The following SYT1 variants were observed in gnomAD, a reference collection of about 807,000 sequenced individuals.
The protein encoded by SYT1 is synaptotagmin 1.
SYT1 carries 8 observed loss-of-function variants against 44.8 expected under a neutral mutation model. The ratio of observed to expected loss-of-function variants is 0.18; its 90% CI spans 0.10 to 0.32. The LOEUF (loss-of-function observed/expected upper bound fraction) is 0.32, where lower values mean the gene tolerates loss of function less well. Among genes scored for constraint, SYT1 ranks in the 10% least tolerant of loss-of-function variants. The pLI, the probability that SYT1 is intolerant of heterozygous loss-of-function variation, is 1.00. For missense variants in SYT1, 286 were observed against 509.3 expected, an observed-to-expected ratio of 0.56 and a Z score of 4.22; for synonymous variants, 154 against 188.8, an observed-to-expected ratio of 0.82 and a Z score of 1.51.
intron 10 of SYT1, among the ~76,000 whole-genome samples, chr12:79,445,324 T>G (rs990188532): frequency 2.0e-5 from 3 of 152,062 alleles, no homozygotes; most frequent in African/African-American, 4.8e-5. Context: ...ACAGTCAATA[T>G]CCTACTTGTA....
intron 1 of SYT1, among the ~76,000 whole-genome samples, chr12:78,873,855 G>A (rs1410640328): frequency 6.6e-6 from 1 of 151,508 alleles, no homozygotes; most frequent in Admixed American, 6.6e-5. Flanking sequence ...CTATCAGTTG[G>A]CAATTCTTTG....
chr12:79,389,583 A>G (rs1435247421), intron 9 of SYT1, among the ~76,000 whole-genome samples: 1 of 152,220 alleles, frequency 6.6e-6, no homozygotes, highest in African/African-American at 2.4e-5. Flanking sequence ...TTAATTGTCC[A>G]TAATTGTAAG....
chr12:79,252,462 T>C (rs1877276700), intron 4 of SYT1, among the ~76,000 whole-genome samples: 1 of 152,144 alleles, frequency 6.6e-6, no homozygotes, highest in South Asian at 2.1e-4. Flanking sequence ...CTTGGCAGAA[T>C]TGCACTTTTT....
chr12:79,079,702 T>A (rs1439232793), intron 3 of SYT1, among the ~76,000 whole-genome samples: 2 of 152,204 alleles, frequency 1.3e-5, no homozygotes, highest in East Asian at 3.9e-4. Flanking sequence ...TATGAACATA[T>A]AAATAAATAA....
chr12:79,176,792 G>A (rs541764462), intron 3 of SYT1, among the ~76,000 whole-genome samples: 44 of 151,880 alleles, frequency 2.9e-4, no homozygotes, highest in Non-Finnish European at 5.9e-4. Context: ...AAAATAAGTT[G>A]AAGACACTTC....
At chr12:79,337,179 T>C (rs1489267192) in intron 8 of SYT1, among the ~76,000 whole-genome samples, 3 of 152,166 alleles carry the variant, frequency 2.0e-5, no homozygotes, top group Non-Finnish European at 4.4e-5. Context: ...AAGAAGATAT[T>C]ATTTATCCAT....
chr12:79,004,317 T>G (rs1870938279), intron 2 of SYT1, among the ~76,000 whole-genome samples: 1 of 151,938 alleles, frequency 6.6e-6, no homozygotes, highest in Admixed American at 6.6e-5. Context: ...ATGTAACTAA[T>G]TCATCTAATT....
At chr12:79,057,189 C>G (rs966798003) in intron 3 of SYT1, among the ~76,000 whole-genome samples, 1 of 151,986 alleles carries the variant, frequency 6.6e-6, no homozygotes, top group African/African-American at 2.4e-5. Flanking sequence ...GATGAAAAAT[C>G]TGGTTCAGCA....
At chr12:79,144,592 C>T (rs906411186) in intron 3 of SYT1, among the ~76,000 whole-genome samples, 3 of 152,184 alleles carry the variant, frequency 2.0e-5, no homozygotes, top group Non-Finnish European at 2.9e-5. Flanking sequence ...GTAGATGGCT[C>T]TTGCAACAAG....
In SYT1 at chr12:79,448,980, C is replaced by T. The variant is rs149378401; in HGVS notation, c.1125C>T (p.Gly375=). Residue 375 remains glycine (G), a synonymous_variant, in exon 11 of 11, where the codon GGC becomes GGT. Coordinates refer to ENST00000261205, the MANE Select transcript of SYT1 (RefSeq NM_005639.3). ...AGATTGGCAAGAACGATGCCATCGG[C>T]AAAGTCTTTGTGGGCTACAACAGCA... is the stretch of plus-strand genomic sequence containing the variant. ...YDKIGKNDAI[G]KVFVGYNSTG... 1.2e-5 allele frequency: 19 copies of T among 1,614,206 alleles called. No homozygotes were observed. The African/African-American group carries it at 1.7e-4, about 15-fold the overall frequency.
chr12:79,253,206 T>C (rs1353825993), intron 4 of SYT1, among the ~76,000 whole-genome samples: 4 of 152,150 alleles, frequency 2.6e-5, no homozygotes, highest in African/African-American at 7.2e-5. Flanking sequence ...ATACCGCAGA[T>C]TTTTTTACAA....
chr12:79,448,601 C>CCAAA (rs1380184784), intron 10 of SYT1, among the ~76,000 whole-genome samples: 3 of 152,282 alleles, frequency 2.0e-5, no homozygotes, highest in Admixed American at 1.3e-4. Context: ...GCTCTGAAAA[C>CCAAA]CAAACAACTC....
intron 9 of SYT1, among the ~76,000 whole-genome samples, chr12:79,382,921 C>G (rs1446410059): frequency 1.3e-5 from 2 of 152,182 alleles, no homozygotes; most frequent in Admixed American, 6.5e-5. Context: ...CCCAAGTAGT[C>G]TGTGTCGTGT....
intron 3 of SYT1, among the ~76,000 whole-genome samples, chr12:79,067,045 G>A (rs1180167203): frequency 6.6e-6 from 1 of 152,080 alleles, no homozygotes; most frequent in Non-Finnish European, 1.5e-5. Flanking sequence ...AGTGTGCTTT[G>A]GGATCATAGA....
chr12:78,930,086 T>C (rs1380269732), intron 1 of SYT1, among the ~76,000 whole-genome samples: 1 of 152,166 alleles, frequency 6.6e-6, no homozygotes, highest in East Asian at 1.9e-4. Flanking sequence ...GAATAAGTTT[T>C]AGTAATCTAT....
At chr12:79,075,111 G>A (rs932038554) in intron 3 of SYT1, among the ~76,000 whole-genome samples, 7 of 152,104 alleles carry the variant, frequency 4.6e-5, no homozygotes, top group South Asian at 4.1e-4. Flanking sequence ...GCAGAAATGC[G>A]AACCTTAACT....
chr12:79,134,390 A>G (rs2138190098), intron 3 of SYT1, among the ~76,000 whole-genome samples: 1 of 152,286 alleles, frequency 6.6e-6, no homozygotes, highest in African/African-American at 2.4e-5. Context: ...CATTTTTCTG[A>G]ATGCTTGAAG....
At chr12:79,240,492 G>A (rs576403297) in intron 4 of SYT1, among the ~76,000 whole-genome samples, 1 of 152,266 alleles carries the variant, frequency 6.6e-6, no homozygotes, top group South Asian at 2.1e-4. Context: ...GAAAATGAAA[G>A]CTATATCAGT....
At chr12:78,868,136 G>C (rs1873638303) in intron 1 of SYT1, among the ~76,000 whole-genome samples, 2 of 151,938 alleles carry the variant, frequency 1.3e-5, no homozygotes, top group Non-Finnish European at 3.0e-5. Context: ...TTTCCAGTTT[G>C]TGCAACAACC....
Sources: gnomAD v4.1 joint callset for allele counts (sites outside exome capture counted in the v4.1 genomes callset) on GRCh38, gnomAD v4.1.1 for gene constraint, MANE v1.5 for transcripts, NCBI Gene and HGNC (gene_info 2026-07-23, HGNC 2026-07-21) for gene names.